Variants in KCNJ6 observed in about 807,000 individuals in gnomAD.
KCNJ6 encodes potassium inwardly rectifying channel subfamily J member 6.
KCNJ6 carries 9 observed loss-of-function variants against 34.2 expected under a neutral mutation model. The observed-to-expected ratio is 0.26, with a 90% CI of 0.16 to 0.46. The LOEUF (loss-of-function observed/expected upper bound fraction) is 0.46. Among genes scored for constraint, KCNJ6 ranks in the 20% least tolerant of loss-of-function variants. The pLI, the probability that KCNJ6 is intolerant of heterozygous loss-of-function variation, is 1.00. For synonymous variants in KCNJ6, 196 were observed against 207.1 expected (o/e 0.95, Z 0.46); for missense variants, 236 against 531.3 (o/e 0.44, Z 5.46).
rs545388845 is a variant in KCNJ6, at chr21:37,790,464, C to T, written c.25+50194G>A. 7.9e-5 allele frequency among the ~76,000 whole-genome samples: 12 copies of T among 152,244 alleles called. 1 individual carries two copies. Among genetic ancestry groups the T allele is most frequent in the African/African-American group, 2.9e-4 (12 of 41,546 alleles). ...TTCCCATGAATTGTCTTATTTAGTT[C>T]TCAAAATAACCCTATGTTCCAGGCA... On this transcript the variant is annotated intron_variant, in intron 2 of 3. Transcript: ENST00000609713.
intron 3 of KCNJ6, among the ~76,000 whole-genome samples, chr21:37,685,013 A>G (rs2054606895): frequency 6.6e-6 from 1 of 152,246 alleles, no homozygotes; most frequent in South Asian, 2.1e-4. Context: ...ACAGACTATG[A>G]AAGATATCTG....
chr21:37,822,293 C>T (rs755614317), intron 2 of KCNJ6, among the ~76,000 whole-genome samples: 1 of 152,172 alleles, frequency 6.6e-6, no homozygotes, highest in African/African-American at 2.4e-5. Context: ...ATGGCCATAC[C>T]ACTCTGAACA....
intron 2 of KCNJ6, among the ~76,000 whole-genome samples, chr21:37,716,625 C>G (rs1168619575): frequency 6.6e-6 from 1 of 152,064 alleles, no homozygotes; most frequent in Admixed American, 6.5e-5. Flanking sequence ...TCAAGCCATC[C>G]TCACACCTTG....
intron 2 of KCNJ6, among the ~76,000 whole-genome samples, chr21:37,801,635 C>G (rs1054918625): frequency 3.3e-5 from 5 of 152,222 alleles, no homozygotes; most frequent in African/African-American, 1.2e-4. Context: ...TCCCACTTCT[C>G]ATCCTCTCCT....
chr21:37,868,526 G>A (rs1048096377), intron 1 of KCNJ6, among the ~76,000 whole-genome samples: 1 of 152,176 alleles, frequency 6.6e-6, no homozygotes, highest in Admixed American at 6.5e-5. Context: ...GCAGATTAAA[G>A]CTGAGTTCCA....
chr21:37,745,072 GTTTTTTTTTTTTTTTTTTTTTTTTT>G (rs58661633), intron 2 of KCNJ6, among the ~76,000 whole-genome samples: 31 of 89,450 alleles, frequency 3.5e-4, no homozygotes, highest in East Asian at 9.0e-4. Context: ...AACGTTGCTG[GTTTTTTTTTTTTTTTTTTTTTTTTT>G]TTTTTTTTTT....
chr21:37,686,562 G>C (rs1186009280), intron 3 of KCNJ6, among the ~76,000 whole-genome samples: 2 of 149,240 alleles, frequency 1.3e-5, no homozygotes, highest in Admixed American at 6.8e-5. Context: ...CCGCCTCCTG[G>C]GTTCAAGTGA....
chr21:37,887,254 C>A (rs761698053), intron 1 of KCNJ6, among the ~76,000 whole-genome samples: 45 of 152,176 alleles, frequency 3.0e-4, no homozygotes, highest in Admixed American at 8.5e-4. Context: ...ATAGCCATAC[C>A]TTACCCCAGA....
At chr21:37,834,589 C>T (rs2836007) in intron 2 of KCNJ6, among the ~76,000 whole-genome samples, 32,271 of 152,184 alleles carry the variant, frequency 0.21, 3,688 homozygotes, top group African/African-American at 0.29. Flanking sequence ...TAACACAATG[C>T]CAGAGCTATA....
rs114621155 is a variant in KCNJ6, at chr21:37,706,194, C to T, written c.946+8017G>A. ...CCTGTTCAACAAGAATAGGGAAATG[C>T]AATCTAATACGTGTCTGAAAGGATG... On this transcript the variant is annotated intron_variant, in intron 3 of 3. Transcript: ENST00000609713. Among the ~76,000 whole-genome samples, 876 of 152,260 alleles carry T rather than the reference C, an allele frequency of 5.8e-3. 10 individuals are homozygous for T. Among genetic ancestry groups the T allele is most frequent in the African/African-American group, 0.02 (833 of 41,520 alleles).
chr21:37,831,939 A>C (rs2055428091), intron 2 of KCNJ6, among the ~76,000 whole-genome samples: 1 of 152,174 alleles, frequency 6.6e-6, no homozygotes, highest in Non-Finnish European at 1.5e-5. Flanking sequence ...ACCATTCTGC[A>C]GGGACAGTAG....
At chr21:37,873,232 A>G (rs2055661230) in intron 1 of KCNJ6, among the ~76,000 whole-genome samples, 1 of 152,174 alleles carries the variant, frequency 6.6e-6, no homozygotes, top group African/African-American at 2.4e-5. Context: ...TATTAATATC[A>G]TAACACTGAG....
At chr21:37,657,311 C>T (rs2054468658) in intron 3 of KCNJ6, among the ~76,000 whole-genome samples, 1 of 152,150 alleles carries the variant, frequency 6.6e-6, no homozygotes, top group African/African-American at 2.4e-5. Flanking sequence ...CAATGACCCT[C>T]ACTGGATGAG....
intron 1 of KCNJ6, among the ~76,000 whole-genome samples, chr21:37,884,339 T>A (rs2055724528): frequency 6.6e-6 from 1 of 152,180 alleles, no homozygotes; most frequent in Non-Finnish European, 1.5e-5. Context: ...TGGTCATGCT[T>A]GCTGGGCTGG....
At chr21:37,854,524 G>A (rs1403264220) in intron 1 of KCNJ6, among the ~76,000 whole-genome samples, 1 of 152,174 alleles carries the variant, frequency 6.6e-6, no homozygotes, top group Non-Finnish European at 1.5e-5. Flanking sequence ...AGGTTGGTTA[G>A]TGTATACAAA....
chr21:37,912,260 T>C (rs540759263), intron 1 of KCNJ6, among the ~76,000 whole-genome samples: 70 of 152,346 alleles, frequency 4.6e-4, no homozygotes, highest in African/African-American at 1.6e-3. Context: ...TTTTGGAGTA[T>C]GCTATTGACT....
chr21:37,641,129 T>C (rs981448656), intron 3 of KCNJ6, among the ~76,000 whole-genome samples: 8 of 152,188 alleles, frequency 5.3e-5, no homozygotes, highest in Non-Finnish European at 8.8e-5. Context: ...TTCACCAAAT[T>C]GTAACTGTCA....
chr21:37,640,875 C>T (rs1055903597), intron 3 of KCNJ6, among the ~76,000 whole-genome samples: 1 of 152,108 alleles, frequency 6.6e-6, no homozygotes, highest in Non-Finnish European at 1.5e-5. Flanking sequence ...CCAAAGTTTC[C>T]CAATGATCAG....
chr21:37,644,937 G>T (rs2054396851), intron 3 of KCNJ6, among the ~76,000 whole-genome samples: 2 of 146,106 alleles, frequency 1.4e-5, no homozygotes, highest in South Asian at 4.4e-4. Flanking sequence ...AGATTCCAAG[G>T]TGCCCTTCTC....
Sources: gnomAD v4.1 joint callset for allele counts (sites outside exome capture counted in the v4.1 genomes callset) on GRCh38, gnomAD v4.1.1 for gene constraint, MANE v1.5 for transcripts, NCBI Gene and HGNC (gene_info 2026-07-23, HGNC 2026-07-21) for gene names.